The following C4BPA variants were observed in gnomAD, a reference collection of about 807,000 sequenced individuals.
The protein encoded by C4BPA is C4b-binding protein alpha chain.
A neutral mutation model predicts 63.7 loss-of-function variants in C4BPA; 31 were observed. The ratio of observed to expected loss-of-function variants is 0.49; its 90% CI spans 0.37 to 0.66. The LOEUF (loss-of-function observed/expected upper bound fraction) is 0.66. C4BPA is among the 30% of genes least tolerant of loss of function. The probability of loss-of-function intolerance (pLI) is 0.00; values close to 1 mark genes in which losing one functional copy is unlikely to be tolerated. For missense variants in C4BPA, 572 were observed against 723.3 expected, an observed-to-expected ratio of 0.79 and a Z score of 2.40; for synonymous variants, 259 against 254.7, an observed-to-expected ratio of 1.02 and a Z score of -0.16.
rs1304676115 is a variant in C4BPA at position 207,127,527 on chromosome 1, A to G, written c.889+632A>G. The G allele has an allele frequency of 5.3e-5, 8 of 152,238 alleles. 1 individual carries two copies. Among genetic ancestry groups the G allele is most frequent in the Admixed American group, 5.2e-4 (8 of 15,282 alleles). The allele number at this position is 152,238 out of a possible 1,614,324, so 9.4% of individuals were successfully genotyped here. A position where few individuals can be genotyped will look rare whatever the true frequency, so the allele number is the denominator to read the frequency against. ...GAGGTTAAAAGACTTGCTCAAGGTT[A>G]TACAACTGGTAAGAGAAGGAAGCCA... On this transcript the variant is annotated intron_variant, in intron 7 of 11. Transcript: ENST00000367070.
intron 1 of C4BPA, among the ~76,000 whole-genome samples, chr1:207,106,726 C>T (rs1342999897): frequency 6.6e-6 from 1 of 152,194 alleles, no homozygotes; most frequent in African/African-American, 2.4e-5. Context: ...CAGGCGTGAG[C>T]CACTGCACCC....
At chr1:207,141,910 T>G (rs1476290663) in intron 10 of C4BPA, among the ~76,000 whole-genome samples, 1 of 152,186 alleles carries the variant, frequency 6.6e-6, no homozygotes, top group East Asian at 1.9e-4. Context: ...AGGAGAATAA[T>G]AGTCAAGAAG....
At chr1:207,134,155 T>C (rs1685228278) in intron 8 of C4BPA, among the ~76,000 whole-genome samples, 1 of 152,186 alleles carries the variant, frequency 6.6e-6, no homozygotes, top group Non-Finnish European at 1.5e-5. Flanking sequence ...GCTCTTCATA[T>C]AAGTTTAATC....
At position 207,119,166 on chromosome 1, in the gene C4BPA, T is replaced by G. The variant is rs1470768982; in HGVS notation, c.428+3651T>G. ...TAGAAGTTGTCCGTCACAGTGCTAA[T>G]GTACTTGGATCAGAAGCCAGGGTAC... On this transcript the variant is annotated intron_variant, in intron 4 of 11. Transcript: ENST00000367070. Among the ~76,000 whole-genome samples the G allele has an allele frequency of 4.7e-5, 4 of 85,552 alleles. 1 individual carries two copies. The highest frequency in any genetic ancestry group is 1.2e-4 in the Non-Finnish European group (4 of 34,044). 56.1% of individuals were successfully genotyped at this position (85,552 alleles called of 152,430 possible). A position where few individuals can be genotyped will look rare whatever the true frequency, so the allele number is the denominator to read the frequency against.
intron 6 of C4BPA, 23 bp from the exon 7 acceptor site, chr1:207,126,690 T>C (rs754510839): frequency 1.3e-6 from 2 of 1,586,100 alleles, no homozygotes; most frequent in Non-Finnish European, 1.7e-6. Flanking sequence ...AAAATCCACT[T>C]GTCTTTTCTC....
chr1:207,113,161 G>A lies in C4BPA; in HGVS notation c.136G>A (p.Val46Ile). Reference sequence around the variant, plus strand: ...CTTGATCGCTGCTCTGTTGCCTGCTGTTCTTGGTGAGTAGTGGGAAACAAG... The same window carrying A: ...CTTGATCGCTGCTCTGTTGCCTGCTATTCTTGGTGAGTAGTGGGAAACAAG... ...MTLIAALLPA[V>I]LGNCGPPPTL... The change falls in exon 2 of 12, where the codon GTT becomes ATT. Residue 46 changes from valine to isoleucine, a missense_variant. Val to Ile is a conservative substitution (Grantham distance 29). Transcript: ENST00000367070. 6.2e-7 allele frequency: 1 copy of A among 1,609,242 alleles called. No individual in the cohort carries two copies. The highest frequency in any genetic ancestry group is 8.5e-7 in the Non-Finnish European group (1 of 1,178,286).
intron 7 of C4BPA, among the ~76,000 whole-genome samples, chr1:207,131,074 G>C (rs1303184402): frequency 6.6e-6 from 1 of 152,214 alleles, no homozygotes; most frequent in Non-Finnish European, 1.5e-5. Context: ...TTGGGAAAGA[G>C]AGAAGAGGAC....
At chr1:207,124,126 T>C in intron 5 of C4BPA, 49 bp from the exon 6 acceptor site, 1 of 1,572,148 alleles carries the variant, frequency 6.4e-7, no homozygotes, top group South Asian at 1.1e-5. Context: ...TTTAGATTTA[T>C]CATGATGCCT....
At chr1:207,109,168 T>G (rs1684616687) in intron 1 of C4BPA, among the ~76,000 whole-genome samples, 1 of 152,196 alleles carries the variant, frequency 6.6e-6, no homozygotes, top group Non-Finnish European at 1.5e-5. Context: ...TAGATCTCAC[T>G]GTACCAAAGG....
In C4BPA at chr1:207,143,853, T is replaced by C. The variant is rs1685472745; in HGVS notation, c.1480T>C (p.Leu494=). The C allele has an allele frequency of 6.2e-7, 1 of 1,613,390 alleles. No homozygotes were observed. The highest frequency in any genetic ancestry group is 8.5e-7 in the Non-Finnish European group (1 of 1,179,594). ...CRKPELVNGR[L]SVDKDQYVEP... is the part of the protein sequence containing the mutation. ...GAAACCAGAATTAGTGAATGGAAGG[T>C]TGTCTGTGGATAAGGATCAGTATGT... Residue 494 remains leucine (L), a synonymous_variant, in exon 11 of 12, where the codon TTG becomes CTG. Coordinates refer to ENST00000367070, the MANE Select transcript of C4BPA (RefSeq NM_000715.4).
chr1:207,117,040 G>A (rs1211399130), intron 4 of C4BPA, among the ~76,000 whole-genome samples: 1 of 152,152 alleles, frequency 6.6e-6, no homozygotes, highest in Non-Finnish European at 1.5e-5. Flanking sequence ...TAGCCAATAT[G>A]GGTAGAGCTA....
chr1:207,120,536 G>C (rs927210240), intron 4 of C4BPA, among the ~76,000 whole-genome samples: 1 of 152,030 alleles, frequency 6.6e-6, no homozygotes, highest in African/African-American at 2.4e-5. Flanking sequence ...AGGTTGAGGT[G>C]GGAAGATCAC....
At chr1:207,130,309 G>A (rs753868522) in intron 7 of C4BPA, among the ~76,000 whole-genome samples, 6 of 152,174 alleles carry the variant, frequency 3.9e-5, no homozygotes, top group Non-Finnish European at 5.9e-5. Flanking sequence ...ACAAATGTTG[G>A]TGAGGATGTG....
chr1:207,138,793 C>A lies in C4BPA; in HGVS notation c.1274-2313C>A, dbSNP rs565608970. Among the ~76,000 whole-genome samples, 8 of 152,340 alleles carry A rather than the reference C, an allele frequency of 5.3e-5. No homozygotes were observed. The South Asian group carries it at 8.3e-4, about 16-fold the overall frequency. The stretch of plus-strand genomic sequence containing the variant: ...TCCTATTTAGGTGCTGTACTGCATT[C>A]TTCAGAGTGGGATGTGCAATTTGCA... On this transcript the variant is annotated intron_variant, in intron 9 of 11. Transcript: ENST00000367070.
chr1:207,144,750 G>T lies in C4BPA; in HGVS notation c.*33G>T. On this transcript the variant is annotated 3_prime_UTR_variant, in exon 12 of 12. Transcript: ENST00000367070. Reference sequence around the variant, plus strand: ...CAAAAGAAGGAGGAAAAGGTGTCTTGCTGGCTTGCCTCTTGCAATTCAATA... The same window carrying T: ...CAAAAGAAGGAGGAAAAGGTGTCTTTCTGGCTTGCCTCTTGCAATTCAATA... The T allele has an allele frequency of 6.6e-7, 1 of 1,525,154 alleles. No individual in the cohort carries two copies. The highest frequency in any genetic ancestry group is 8.9e-7 in the Non-Finnish European group (1 of 1,122,576). The allele number at this position is 1,525,154 out of a possible 1,614,324, so 94.5% of individuals were successfully genotyped here. A position where few individuals can be genotyped will look rare whatever the true frequency, so the allele number is the denominator to read the frequency against.
intron 6 of C4BPA, among the ~76,000 whole-genome samples, chr1:207,126,364 A>G (rs1459040732): frequency 6.7e-6 from 1 of 148,198 alleles, no homozygotes; most frequent in East Asian, 1.9e-4. Flanking sequence ...AAAATATATA[A>G]TAAGTATCAT....
At chr1:207,125,958 G>A (rs1685032618) in intron 6 of C4BPA, among the ~76,000 whole-genome samples, 1 of 152,062 alleles carries the variant, frequency 6.6e-6, no homozygotes, top group Non-Finnish European at 1.5e-5. Flanking sequence ...ATAGGGGGCG[G>A]CTTGTTTTCT....
chr1:207,110,314 T>A (rs1381157395), intron 1 of C4BPA, among the ~76,000 whole-genome samples: 1 of 152,156 alleles, frequency 6.6e-6, no homozygotes, highest in Non-Finnish European at 1.5e-5. Flanking sequence ...AGGAAAGTGC[T>A]GGGAATGGTA....
At chr1:207,126,327 TC>T (rs1229100529) in intron 6 of C4BPA, among the ~76,000 whole-genome samples, 1 of 147,996 alleles carries the variant, frequency 6.8e-6, no homozygotes, top group Non-Finnish European at 1.5e-5. Flanking sequence ...TGTTATATAT[TC>T]TATAAGACTA....
Sources: allele counts gnomAD v4.1 joint callset (sites outside exome capture counted in the v4.1 genomes callset), GRCh38; gene constraint gnomAD v4.1.1; transcripts MANE v1.5; gene names NCBI Gene and HGNC (gene_info 2026-07-23, HGNC 2026-07-21).